Variants in SLC35F3 observed in about 807,000 individuals in gnomAD.
SLC35F3 encodes putative thiamine transporter SLC35F3.
In SLC35F3, 25 loss-of-function variants were observed where a neutral mutation model predicts 49.9. The observed-to-expected ratio is 0.50, with a 90% CI of 0.37 to 0.70. The LOEUF is 0.70. Among genes scored for constraint, SLC35F3 ranks in the 30% least tolerant of loss-of-function variants. The pLI is 0.00. For synonymous variants in SLC35F3, 275 were observed against 265.4 expected (o/e 1.04, Z -0.35); for missense variants, 525 against 639.8 (o/e 0.82, Z 1.94).
intron 2 of SLC35F3, among the ~76,000 whole-genome samples, chr1:233,995,825 G>A (rs1663450195): frequency 6.6e-6 from 1 of 152,188 alleles, no homozygotes; most frequent in Admixed American, 6.5e-5. Flanking sequence ...ACTGTAACGG[G>A]TGGGACCTGT....
At chr1:234,316,227 C>T (rs1327320650) in intron 4 of SLC35F3, among the ~76,000 whole-genome samples, 1 of 152,202 alleles carries the variant, frequency 6.6e-6, no homozygotes, top group East Asian at 1.9e-4. Flanking sequence ...CTCAGGTCAT[C>T]TCCAGGGGCT....
At chr1:234,168,949 G>A (rs1016698540) in intron 2 of SLC35F3, among the ~76,000 whole-genome samples, 26 of 152,176 alleles carry the variant, frequency 1.7e-4, no homozygotes, top group African/African-American at 5.8e-4. Flanking sequence ...TGGAGGCCGA[G>A]AAAGCCAAGG....
chr1:234,105,867 T>C (rs1185614418), intron 2 of SLC35F3, among the ~76,000 whole-genome samples: 1 of 152,222 alleles, frequency 6.6e-6, no homozygotes, highest in Non-Finnish European at 1.5e-5. Flanking sequence ...ATGAGGCATG[T>C]TACTTCTGGG....
intron 2 of SLC35F3, among the ~76,000 whole-genome samples, chr1:233,977,842 G>A (rs1663115856): frequency 6.6e-6 from 1 of 152,208 alleles, no homozygotes; most frequent in Non-Finnish European, 1.5e-5. Flanking sequence ...GGCAAAGTAA[G>A]CAATTGTCAG....
At chr1:233,991,577 G>T (rs1663355831) in intron 2 of SLC35F3, among the ~76,000 whole-genome samples, 1 of 152,176 alleles carries the variant, frequency 6.6e-6, no homozygotes, top group South Asian at 2.1e-4. Context: ...CAAAAGCGAT[G>T]AACTTTGCCA....
chr1:234,021,756 C>T lies in SLC35F3; in HGVS notation c.283+115998C>T, dbSNP rs1024772822. Among the ~76,000 whole-genome samples, 12 of 152,322 alleles carry T rather than the reference C, an allele frequency of 7.9e-5. No individual in the cohort carries two copies. The East Asian group carries it at 9.6e-4, about 12-fold the overall frequency. On this transcript the variant is annotated intron_variant, in intron 2 of 7. Transcript: ENST00000366618. ...CCTTACCACTGGCTTTACTATTCCA[C>T]GCACACCATTCAGGTTTTTATTCTT...
chr1:233,950,497 C>T (rs990443365), intron 2 of SLC35F3, among the ~76,000 whole-genome samples: 1 of 147,000 alleles, frequency 6.8e-6, no homozygotes, highest in Non-Finnish European at 1.5e-5. Context: ...TTCTCCCTCC[C>T]CACTTCCTCC....
intron 3 of SLC35F3, among the ~76,000 whole-genome samples, chr1:234,243,376 G>T (rs1001847913): frequency 3.3e-5 from 5 of 152,088 alleles, no homozygotes; most frequent in Non-Finnish European, 5.9e-5. Context: ...GTTACTGGGG[G>T]TATGCTCACC....
At chr1:233,968,951 A>G (rs531988444) in intron 2 of SLC35F3, among the ~76,000 whole-genome samples, 2 of 152,104 alleles carry the variant, frequency 1.3e-5, no homozygotes, top group Non-Finnish European at 2.9e-5. Flanking sequence ...ATTTGCATTA[A>G]TTGGCCTCTA....
chr1:234,146,831 T>A (rs1469379437), intron 2 of SLC35F3, among the ~76,000 whole-genome samples: 1 of 152,118 alleles, frequency 6.6e-6, no homozygotes, highest in African/African-American at 2.4e-5. Context: ...TCTTTCCATA[T>A]GTCTTTCAGT....
At chr1:234,317,189 A>G (rs1302896231) in intron 5 of SLC35F3, among the ~76,000 whole-genome samples, 1 of 152,258 alleles carries the variant, frequency 6.6e-6, no homozygotes, top group Non-Finnish European at 1.5e-5. Flanking sequence ...CATTTCAAGT[A>G]CTGCCTTGAA....
At chr1:234,065,918 G>A (rs571682920) in intron 2 of SLC35F3, among the ~76,000 whole-genome samples, 3 of 152,146 alleles carry the variant, frequency 2.0e-5, no homozygotes, top group Admixed American at 6.5e-5. Flanking sequence ...TTTCAGTTGC[G>A]TTAAACACGG....
chr1:234,230,945 C>G (rs1043225543), intron 2 of SLC35F3, among the ~76,000 whole-genome samples: 2 of 152,206 alleles, frequency 1.3e-5, no homozygotes, highest in African/African-American at 4.8e-5. Context: ...CAGGACCTCC[C>G]CCTGTAGGAA....
At chr1:233,938,995 A>G (rs1662378786) in intron 2 of SLC35F3, among the ~76,000 whole-genome samples, 1 of 152,158 alleles carries the variant, frequency 6.6e-6, no homozygotes, top group South Asian at 2.1e-4. Context: ...ATTATCCATC[A>G]TAGGGTTTGG....
At chr1:234,235,303 C>T (rs1438227843) in intron 3 of SLC35F3, among the ~76,000 whole-genome samples, 1 of 152,174 alleles carries the variant, frequency 6.6e-6, no homozygotes, top group Non-Finnish European at 1.5e-5. Context: ...ATGAAGGTGG[C>T]CACAAGGATG....
intron 2 of SLC35F3, among the ~76,000 whole-genome samples, chr1:233,951,986 T>C (rs1662614855): frequency 6.6e-6 from 1 of 152,204 alleles, no homozygotes; most frequent in Non-Finnish European, 1.5e-5. Context: ...TGCCTGTCTT[T>C]CACATCTATC....
intron 2 of SLC35F3, among the ~76,000 whole-genome samples, chr1:233,918,746 A>G (rs1238073158): frequency 6.6e-6 from 1 of 151,832 alleles, no homozygotes. Flanking sequence ...AGCCTGGGTG[A>G]CAAGAGTGAG....
intron 3 of SLC35F3, among the ~76,000 whole-genome samples, chr1:234,297,339 G>A (rs951316409): frequency 6.6e-6 from 1 of 152,148 alleles, no homozygotes; most frequent in Non-Finnish European, 1.5e-5. Flanking sequence ...TGTTAAAGAG[G>A]TAATGTCTGC....
intron 2 of SLC35F3, among the ~76,000 whole-genome samples, chr1:234,134,856 G>T (rs1421322404): frequency 6.6e-6 from 1 of 152,144 alleles, no homozygotes; most frequent in African/African-American, 2.4e-5. Context: ...CTAGTAGCTG[G>T]CATTACAGGC....
Sources: allele counts gnomAD v4.1 joint callset (sites outside exome capture counted in the v4.1 genomes callset), GRCh38; gene constraint gnomAD v4.1.1; transcripts MANE v1.5; gene names NCBI Gene and HGNC (gene_info 2026-07-23, HGNC 2026-07-21).